KLHL7: variants seen among roughly 807,000 people sequenced by gnomAD.
KLHL7 encodes the protein kelch like family member 7.
In KLHL7, 44 loss-of-function variants were observed where a neutral mutation model predicts 67.4. The ratio of observed to expected loss-of-function variants is 0.65; its 90% CI spans 0.51 to 0.84. The LOEUF is 0.84. Among genes scored for constraint, KLHL7 ranks in the 40% least tolerant of loss-of-function variants. The probability of loss-of-function intolerance (pLI) is 0.00; values close to 1 mark genes in which losing one functional copy is unlikely to be tolerated. For missense variants in KLHL7, 362 were observed against 718.1 expected, an observed-to-expected ratio of 0.50 and a Z score of 5.67; for synonymous variants, 252 against 243.3, an observed-to-expected ratio of 1.04 and a Z score of -0.33.
chr7:23,132,355 G>A (rs1321702095), intron 4 of KLHL7, among the ~76,000 whole-genome samples: 2 of 152,094 alleles, frequency 1.3e-5, no homozygotes, highest in South Asian at 2.1e-4. Flanking sequence ...TTTTAACTGG[G>A]GTGAGATGAT....
intron 4 of KLHL7, among the ~76,000 whole-genome samples, chr7:23,130,716 A>G (rs1783767720): frequency 1.3e-5 from 2 of 152,204 alleles, no homozygotes; most frequent in African/African-American, 4.8e-5. Flanking sequence ...TTTAAGATCT[A>G]CTTGCCAGTT....
At chr7:23,112,510 TAAC>T (rs1398133381) in intron 1 of KLHL7, among the ~76,000 whole-genome samples, 1 of 152,026 alleles carries the variant, frequency 6.6e-6, no homozygotes, top group East Asian at 1.9e-4. Flanking sequence ...ATGGAGGAGA[TAAC>T]AAAGGAATCA....
chr7:23,160,761 AAT>A (rs1157102882), intron 7 of KLHL7, among the ~76,000 whole-genome samples: 2 of 152,230 alleles, frequency 1.3e-5, no homozygotes, highest in African/African-American at 4.8e-5. Context: ...TAAGGAGGTT[AAT>A]ATGTTTCCAG....
intron 4 of KLHL7, among the ~76,000 whole-genome samples, chr7:23,140,191 C>T (rs1784127499): frequency 6.6e-6 from 1 of 152,178 alleles, no homozygotes. Flanking sequence ...TAAAATTTGT[C>T]TGCAAGAGAA....
At chr7:23,140,741 TA>T in intron 4 of KLHL7, 27 bp from the exon 5 acceptor site, 1 of 1,602,326 alleles carries the variant, frequency 6.2e-7, no homozygotes, top group Non-Finnish European at 8.5e-7. Context: ...AATGATTTTC[TA>T]TTCTTTTATT....
At chr7:23,133,852 G>A (rs1221918850) in intron 4 of KLHL7, among the ~76,000 whole-genome samples, 3 of 152,136 alleles carry the variant, frequency 2.0e-5, no homozygotes, top group African/African-American at 7.2e-5. Flanking sequence ...TTTTCTTGTG[G>A]AGTCTTTTAG....
At chr7:23,133,396 A>G (rs902452368) in intron 4 of KLHL7, among the ~76,000 whole-genome samples, 1 of 151,752 alleles carries the variant, frequency 6.6e-6, no homozygotes, top group Admixed American at 6.6e-5. Flanking sequence ...ATGTGTGGCT[A>G]TTGTAAATGG....
At chr7:23,151,936 C>T in intron 6 of KLHL7, 131 bp from the exon 7 acceptor site, 2 of 830,822 alleles carry the variant, frequency 2.4e-6, no homozygotes, top group Non-Finnish European at 4.0e-6. Context: ...CCCTCACTTT[C>T]CTCAAATGCT....
intron 7 of KLHL7, among the ~76,000 whole-genome samples, chr7:23,164,270 T>C (rs1583727605): frequency 6.6e-6 from 1 of 150,448 alleles, no homozygotes; most frequent in Non-Finnish European, 1.5e-5. Flanking sequence ...GGGGTAAGAG[T>C]GACAAGATTT....
intron 7 of KLHL7, among the ~76,000 whole-genome samples, chr7:23,158,225 C>T (rs6461696): frequency 0.93 from 140,633 of 152,022 alleles, 65,230 homozygotes; most frequent in East Asian, 0.99. Context: ...CCTCAGCCTC[C>T]CAAAGTTCTG....
chr7:23,123,107 C>G lies in KLHL7; in HGVS notation c.121-670C>G, dbSNP rs531807510. Among the ~76,000 whole-genome samples the G allele has an allele frequency of 5.5e-4, 83 of 152,192 alleles. 2 individuals carry two copies. The South Asian group carries it at 0.012, about 22-fold the overall frequency. On this transcript the variant is annotated intron_variant, in intron 1 of 10. Coordinates refer to ENST00000339077, the MANE Select transcript of KLHL7 (RefSeq NM_001031710.3). ...TTAATTAAGTATTACTCAGAGCTGC[C>G]TTCTTTAAGCAGCTTATGGTGATAC...
intron 6 of KLHL7, among the ~76,000 whole-genome samples, chr7:23,151,093 A>G (rs1784516783): frequency 6.7e-6 from 1 of 150,026 alleles, no homozygotes; most frequent in Admixed American, 6.6e-5. Flanking sequence ...GTTAAGTCTG[A>G]ACAATTTTTT....
rs34692665 is a variant in KLHL7 at position 23,117,081 on chromosome 7, C to CTTTTTTTT, written c.121-6679_121-6672dup. On this transcript the variant is annotated intron_variant, in intron 1 of 10. Coordinates refer to ENST00000339077, the MANE Select transcript of KLHL7 (RefSeq NM_001031710.3). ...TCATAAAATTTTCCTAGAGCCAGGC[C>CTTTTTTTT]TTTTTTTTTTTTTTTTTTTTTTTTG... Among the ~76,000 whole-genome samples, 192 of 68,218 alleles carry CTTTTTTTT rather than the reference C, an allele frequency of 2.8e-3. 29 individuals carry two copies. Among genetic ancestry groups the CTTTTTTTT allele is most frequent in the African/African-American group, 6.4e-3 (112 of 17,404 alleles). The allele number at this position is 68,218 out of a possible 152,430, so 44.8% of individuals were successfully genotyped here.
Position 23,106,088 on chromosome 7 carries a change from G to T in KLHL7, c.62G>T (p.Arg21Leu). ...AAGACCGAGAAGAAACTTGCTGCTC[G>T]GGAAGAAGCTAAATTGTTGGCGGGT... ...KKKTEKKLAA[R>L]EEAKLLAGFM... Residue 21 changes from arginine to leucine, a missense_variant, in exon 1 of 11, where the codon CGG (arginine) becomes CTG (leucine). Around this residue, in one of 5 missense-constraint regions of KLHL7, gnomAD observed 57 missense variants for 81.7 expected, o/e 0.70. Transcript: ENST00000339077. The T allele has an allele frequency of 6.2e-7, 1 of 1,608,984 alleles. No homozygotes were observed.
intron 1 of KLHL7, among the ~76,000 whole-genome samples, chr7:23,113,132 T>TAAAAAA (rs11311465): frequency 6.8e-6 from 1 of 147,140 alleles, no homozygotes. Flanking sequence ...CTCTTTTCTC[T>TAAAAAA]AAAAAAAAAA....
intron 6 of KLHL7, among the ~76,000 whole-genome samples, chr7:23,147,657 G>A (rs996610536): frequency 6.6e-6 from 1 of 152,226 alleles, no homozygotes; most frequent in East Asian, 1.9e-4. Context: ...TGTCTTCTGT[G>A]TTCTCTGGCA....
At chr7:23,120,934 C>G (rs1562555950) in intron 1 of KLHL7, among the ~76,000 whole-genome samples, 1 of 152,196 alleles carries the variant, frequency 6.6e-6, no homozygotes, top group Non-Finnish European at 1.5e-5. Flanking sequence ...TCCCATCTGG[C>G]TGTAATTTTA....
chr7:23,130,141 G>A (rs1368935355), intron 4 of KLHL7, among the ~76,000 whole-genome samples: 2 of 152,138 alleles, frequency 1.3e-5, no homozygotes, highest in Non-Finnish European at 2.9e-5. Context: ...TAAAACATCC[G>A]TTAGAGCAAA....
chr7:23,129,845 GAA>G (rs1361753844), intron 4 of KLHL7: 1 of 155,904 alleles, frequency 6.4e-6, no homozygotes, highest in Non-Finnish European at 1.4e-5. Context: ...TCCATGAGGA[GAA>G]ATGATTATAA....
Sources: gnomAD v4.1 joint callset for allele counts (sites outside exome capture counted in the v4.1 genomes callset) on GRCh38, gnomAD v4.1.1 for gene constraint, gnomAD v4.1.1 regional missense constraint, MANE v1.5 for transcripts, NCBI Gene and HGNC (gene_info 2026-07-23, HGNC 2026-07-21) for gene names.